Variants in NFIA observed in about 807,000 individuals in gnomAD.
The protein encoded by NFIA is nuclear factor 1 A-type.
A neutral mutation model predicts 62.8 loss-of-function variants in NFIA; 8 were observed. The observed-to-expected ratio is 0.13, with a 90% CI of 0.07 to 0.23. NFIA has a LOEUF of 0.23. Among genes scored for constraint, NFIA ranks in the 10% least tolerant of loss-of-function variants. NFIA has a pLI of 1.00. For synonymous variants in NFIA, 235 were observed against 238.1 expected (o/e 0.99, Z 0.12); for missense variants, 410 against 642.1 (o/e 0.64, Z 3.91).
At chr1:61,411,308 G>A (rs756672564) in intron 9 of NFIA, among the ~76,000 whole-genome samples, 4 of 152,076 alleles carry the variant, frequency 2.6e-5, no homozygotes, top group Non-Finnish European at 5.9e-5. Context: ...CCTTACCAGC[G>A]CCCTAAGAAG....
At chr1:61,277,803 A>C (rs564601544) in intron 3 of NFIA, among the ~76,000 whole-genome samples, 10 of 152,310 alleles carry the variant, frequency 6.6e-5, no homozygotes, top group African/African-American at 2.4e-4. Context: ...AAACACTATT[A>C]GGGTGCCCAT....
chr1:61,301,765 CAAACAGAAAT>C (rs1473902949), intron 3 of NFIA, among the ~76,000 whole-genome samples: 1 of 152,120 alleles, frequency 6.6e-6, no homozygotes, highest in African/African-American at 2.4e-5. Flanking sequence ...AGTTCACCTC[CAAACAGAAAT>C]GATTGACATC....
At chr1:61,403,660 G>T (rs148555454) in intron 7 of NFIA, among the ~76,000 whole-genome samples, 99 of 152,310 alleles carry the variant, frequency 6.5e-4, no homozygotes, top group African/African-American at 2.4e-3. Flanking sequence ...CTTGAAAGGG[G>T]TATAAGAGGT....
At chr1:61,087,933 T>C (rs1448920910) in intron 1 of NFIA, among the ~76,000 whole-genome samples, 3 of 152,132 alleles carry the variant, frequency 2.0e-5, no homozygotes, top group African/African-American at 7.2e-5. Flanking sequence ...TTTTCAGCAG[T>C]TTTTTTATTT....
chr1:61,250,104 C>CGTAT (rs1268126078), intron 2 of NFIA: 1 of 152,088 alleles, frequency 6.6e-6, no homozygotes, highest in Non-Finnish European at 1.5e-5. Flanking sequence ...GTGCAAGGTA[C>CGTAT]GGTTCATTGT....
At chr1:61,358,973 CTT>C (rs1663134509) in intron 5 of NFIA, among the ~76,000 whole-genome samples, 172 bp from the exon 6 acceptor site, 1 of 152,208 alleles carries the variant, frequency 6.6e-6, no homozygotes, top group Non-Finnish European at 1.5e-5. Context: ...AGACCCAAGA[CTT>C]TGTTCTACAT....
chr1:61,254,107 G>C (rs1238284229), intron 2 of NFIA, among the ~76,000 whole-genome samples: 1 of 152,150 alleles, frequency 6.6e-6, no homozygotes, highest in African/African-American at 2.4e-5. Flanking sequence ...TTTGTTTTGT[G>C]TGTTCCATCT....
At chr1:61,170,684 G>A (rs1366419696) in intron 2 of NFIA, among the ~76,000 whole-genome samples, 1 of 152,044 alleles carries the variant, frequency 6.6e-6, no homozygotes, top group Non-Finnish European at 1.5e-5. Context: ...CTACAAAATT[G>A]CATTCTTCGT....
At chr1:61,114,067 CAT>C (rs1369514571) in intron 2 of NFIA, among the ~76,000 whole-genome samples, 1 of 152,218 alleles carries the variant, frequency 6.6e-6, no homozygotes, top group African/African-American at 2.4e-5. Flanking sequence ...AATTATAAAT[CAT>C]GATGGTTTTT....
intron 2 of NFIA, chr1:61,132,781 A>G (rs1270592222): frequency 6.6e-6 from 1 of 152,228 alleles, no homozygotes; most frequent in Non-Finnish European, 1.5e-5. Context: ...CTAAAGGATT[A>G]CCGAAGTTTA....
At chr1:61,164,895 A>T (rs1023220975) in intron 2 of NFIA, among the ~76,000 whole-genome samples, 1 of 152,120 alleles carries the variant, frequency 6.6e-6, no homozygotes, top group African/African-American at 2.4e-5. Flanking sequence ...GGACCTGAAG[A>T]CCCTGTGGCC....
At chr1:61,313,035 T>A (rs975708698) in intron 3 of NFIA, among the ~76,000 whole-genome samples, 2 of 152,190 alleles carry the variant, frequency 1.3e-5, no homozygotes, top group Non-Finnish European at 2.9e-5. Flanking sequence ...AATTAAGTAG[T>A]AGGCAAAGAT....
intron 2 of NFIA, among the ~76,000 whole-genome samples, chr1:61,131,240 G>A (rs1647068098): frequency 6.6e-6 from 1 of 150,776 alleles, no homozygotes; most frequent in African/African-American, 2.4e-5. Context: ...GCAACTGGAA[G>A]TTCACTCTGG....
chr1:61,122,190 A>G (rs1646898105), intron 2 of NFIA, among the ~76,000 whole-genome samples: 1 of 152,160 alleles, frequency 6.6e-6, no homozygotes, highest in Non-Finnish European at 1.5e-5. Context: ...ACGAATGGGA[A>G]CATACTGTAT....
At chr1:61,227,940 A>G (rs996576478) in intron 2 of NFIA, among the ~76,000 whole-genome samples, 2 of 152,134 alleles carry the variant, frequency 1.3e-5, no homozygotes, top group Non-Finnish European at 2.9e-5. Context: ...GGACTGACCA[A>G]TTTATTATTT....
At chr1:61,217,741 G>A (rs928746314) in intron 2 of NFIA, among the ~76,000 whole-genome samples, 7 of 152,184 alleles carry the variant, frequency 4.6e-5, no homozygotes, top group Admixed American at 2.0e-4. Flanking sequence ...ACTGCAGAAT[G>A]AGAATAAACC....
intron 6 of NFIA, among the ~76,000 whole-genome samples, chr1:61,366,773 T>A (rs6674884): frequency 0.88 from 133,475 of 152,054 alleles, 58,608 homozygotes; most frequent in East Asian, 0.95. Flanking sequence ...AAACACAAAA[T>A]TTAGCTGGGC....
intron 2 of NFIA, among the ~76,000 whole-genome samples, chr1:61,214,038 G>A (rs925888190): frequency 2.6e-5 from 4 of 152,190 alleles, no homozygotes; most frequent in African/African-American, 9.6e-5. Context: ...GAGTTTGAAA[G>A]TGCTCCCCAG....
intron 10 of NFIA, among the ~76,000 whole-genome samples, chr1:61,434,932 T>G (rs1183450593): frequency 1.3e-5 from 2 of 151,954 alleles, no homozygotes; most frequent in Admixed American, 1.3e-4. Flanking sequence ...GGACAGAAAA[T>G]GATGTCAGGA....
Sources: allele counts gnomAD v4.1 joint callset (sites outside exome capture counted in the v4.1 genomes callset), GRCh38; gene constraint gnomAD v4.1.1; transcripts MANE v1.5; gene names NCBI Gene and HGNC (gene_info 2026-07-23, HGNC 2026-07-21).